The following CYP3A7 variants were observed in gnomAD, a reference collection of about 807,000 sequenced individuals.
CYP3A7 encodes cytochrome P450 3A7.
CYP3A7 carries 45 observed loss-of-function variants against 55.2 expected under a neutral mutation model. The ratio of observed to expected loss-of-function variants is 0.82; its 90% CI spans 0.64 to 1.05. CYP3A7 has a LOEUF of 1.05. CYP3A7 is among the 50% of genes least tolerant of loss of function. CYP3A7 has a pLI of 0.00. For synonymous variants in CYP3A7, 180 were observed against 207.4 expected (o/e 0.87, Z 1.13); for missense variants, 548 against 605.3 (o/e 0.91, Z 0.99).
At chr7:99,723,334 T>C (rs1814279780) in intron 2 of CYP3A7, among the ~76,000 whole-genome samples, 1 of 152,218 alleles carries the variant, frequency 6.6e-6, no homozygotes, top group African/African-American at 2.4e-5. Context: ...ATTCTTCTTC[T>C]GGACAATGAG....
chr7:99,717,693 G>A, intron 4 of CYP3A7, 54 bp from the exon 5 acceptor site: 2 of 1,597,440 alleles, frequency 1.3e-6, no homozygotes, highest in Non-Finnish European at 1.7e-6. Flanking sequence ...AGGTCTCCAT[G>A]GTTGTAGAAA....
At chr7:99,706,791 C>T (rs1813538156) in intron 12 of CYP3A7, among the ~76,000 whole-genome samples, 1 of 152,190 alleles carries the variant, frequency 6.6e-6, no homozygotes, top group African/African-American at 2.4e-5. Context: ...GTATGCAAAC[C>T]AATCGACTGC....
chr7:99,718,324 G>A (rs753978097), intron 4 of CYP3A7, among the ~76,000 whole-genome samples: 19 of 152,168 alleles, frequency 1.2e-4, no homozygotes, highest in East Asian at 3.9e-4. Context: ...GAAATAATGC[G>A]ATTCTATTAA....
At chr7:99,715,707 G>A (rs1447041773) in intron 7 of CYP3A7, 51 bp downstream of exon 7, 5 of 1,612,388 alleles carry the variant, frequency 3.1e-6, no homozygotes, top group Non-Finnish European at 4.2e-6. Context: ...TCTCAATAAA[G>A]CAGTTATTTT....
Position 99,735,026 on chromosome 7 carries a change from T to C in CYP3A7, c.68A>G (p.Tyr23Cys), listed in dbSNP as rs1237840597. Residue 23 changes from tyrosine (Y) to cysteine (C), a missense_variant, in exon 1 of 13, where the codon TAT becomes TGT. Tyr to Cys is a radical substitution (Grantham distance 194, BLOSUM62 -2). Coordinates refer to ENST00000336374, the MANE Select transcript of CYP3A7 (RefSeq NM_000765.5). Reference sequence around the variant, plus strand: ...AGGAGCCTGAACAGTTACTCACAGATAGAGGAGTATCAGGCTGACAGCCAG... The same window carrying C: ...AGGAGCCTGAACAGTTACTCACAGACAGAGGAGTATCAGGCTGACAGCCAG... ...LLLAVSLILL[Y>C]LYGTRTHGLF... 1 of 1,613,920 alleles carries C rather than the reference T, an allele frequency of 6.2e-7. No individual in the cohort carries two copies. Among genetic ancestry groups the C allele is most frequent in the African/African-American group, 1.3e-5 (1 of 74,918 alleles).
At chr7:99,711,728 A>G (rs1340831212) in intron 9 of CYP3A7, among the ~76,000 whole-genome samples, 4 of 152,162 alleles carry the variant, frequency 2.6e-5, no homozygotes, top group African/African-American at 9.7e-5. Context: ...AGATCATGCC[A>G]TTGCACTCCA....
chr7:99,721,207 T>C (rs1202240205), intron 3 of CYP3A7, among the ~76,000 whole-genome samples: 1 of 152,206 alleles, frequency 6.6e-6, no homozygotes, highest in Non-Finnish European at 1.5e-5. Context: ...AGCAGAAATG[T>C]ATAGACAAAG....
At chr7:99,713,888 G>C (rs1206345555) in intron 8 of CYP3A7, among the ~76,000 whole-genome samples, 1 of 152,138 alleles carries the variant, frequency 6.6e-6, no homozygotes, top group Non-Finnish European at 1.5e-5. Context: ...AGCAGCTTTG[G>C]TGGGAGCACT....
intron 11 of CYP3A7, 72 bp from the exon 12 acceptor site, chr7:99,708,046 T>C (rs1284688605): frequency 6.2e-7 from 1 of 1,608,082 alleles, no homozygotes; most frequent in African/African-American, 1.3e-5. Context: ...TTAGGGTTTC[T>C]TACTTAGGGC....
At chr7:99,706,295 T>G (rs768239121) in intron 12 of CYP3A7, among the ~76,000 whole-genome samples, 15 of 152,166 alleles carry the variant, frequency 9.9e-5, no homozygotes, top group Admixed American at 2.6e-4. Flanking sequence ...AAAATTGCCA[T>G]GGAGATCCAG....
chr7:99,707,727 G>C, intron 12 of CYP3A7, 85 bp downstream of exon 12: 2 of 1,571,198 alleles, frequency 1.3e-6, no homozygotes, highest in East Asian at 2.4e-5. Flanking sequence ...AAAAGATTAA[G>C]TGAGTGTATT....
At chr7:99,712,254 G>A (rs955361463) in intron 9 of CYP3A7, among the ~76,000 whole-genome samples, 2 of 152,134 alleles carry the variant, frequency 1.3e-5, no homozygotes, top group Admixed American at 6.5e-5. Flanking sequence ...TGTCAACAGA[G>A]CTGTGATTTA....
At chr7:99,707,657 G>A (rs1813575104) in intron 12 of CYP3A7, among the ~76,000 whole-genome samples, 155 bp downstream of exon 12, 1 of 152,174 alleles carries the variant, frequency 6.6e-6, no homozygotes, top group African/African-American at 2.4e-5. Context: ...CAGAACTGAA[G>A]CACCCTTAAA....
chr7:99,729,879 A>T (rs1228575592), intron 2 of CYP3A7, among the ~76,000 whole-genome samples: 1 of 152,194 alleles, frequency 6.6e-6, no homozygotes, highest in Non-Finnish European at 1.5e-5. Context: ...GATTAAAAAC[A>T]TTTATTGCTC....
Position 99,717,167 on chromosome 7 carries a change from T to G in CYP3A7, c.521+10A>C, listed in dbSNP as rs372098752. Reference sequence around the variant, plus strand: ...ACAGCTCAGAACCCCATGGCTGTGCTCCTACTTACTGTTTCAAGGTGACAG... The same window carrying G: ...ACAGCTCAGAACCCCATGGCTGTGCGCCTACTTACTGTTTCAAGGTGACAG... On this transcript the variant is annotated intron_variant, in intron 6 of 12. Coordinates refer to ENST00000336374, the MANE Select transcript of CYP3A7 (RefSeq NM_000765.5). 38 of 1,613,670 alleles carry G rather than the reference T, an allele frequency of 2.4e-5. No homozygotes were observed. Among genetic ancestry groups the G allele is most frequent in the Non-Finnish European group, 3.2e-5 (38 of 1,179,764 alleles).
chr7:99,733,845 C>T (rs573791426), intron 1 of CYP3A7, among the ~76,000 whole-genome samples: 28 of 152,168 alleles, frequency 1.8e-4, no homozygotes, highest in Non-Finnish European at 3.2e-4. Context: ...GGATAACCTG[C>T]TAAGCAGGTG....
At chr7:99,714,717 A>T (rs1244889918) in intron 7 of CYP3A7, 35 bp from the exon 8 acceptor site, 1 of 1,603,442 alleles carries the variant, frequency 6.2e-7, no homozygotes, top group African/African-American at 1.3e-5. Context: ...AAACGAAACC[A>T]TTGTGAACAT....
At chr7:99,718,266 T>A (rs1428449311) in intron 4 of CYP3A7, among the ~76,000 whole-genome samples, 1 of 152,156 alleles carries the variant, frequency 6.6e-6, no homozygotes, top group Non-Finnish European at 1.5e-5. Flanking sequence ...AAAAAAAGTA[T>A]AATAAAAAAG....
intron 4 of CYP3A7, among the ~76,000 whole-genome samples, chr7:99,719,890 G>A (rs1584515580): frequency 1.3e-5 from 2 of 152,210 alleles, no homozygotes; most frequent in East Asian, 1.9e-4. Context: ...CCAGCTACTC[G>A]GGAGGTGGAG....
Sources: gnomAD v4.1 joint callset for allele counts (sites outside exome capture counted in the v4.1 genomes callset) on GRCh38, gnomAD v4.1.1 for gene constraint, MANE v1.5 for transcripts, NCBI Gene and HGNC (gene_info 2026-07-23, HGNC 2026-07-21) for gene names.